SMC1B: variants seen among roughly 807,000 people sequenced by gnomAD.
SMC1B encodes structural maintenance of chromosomes 1B.
A neutral mutation model predicts 157.9 loss-of-function variants in SMC1B; 60 were observed. The observed-to-expected ratio is 0.38, with a 90% CI of 0.31 to 0.47. SMC1B has a LOEUF of 0.47. SMC1B is among the 20% of genes least tolerant of loss of function. The pLI is 0.99. For missense variants in SMC1B, 1,165 were observed against 1,426.2 expected (o/e 0.82, Z 2.95); for synonymous variants, 445 against 483.0 (o/e 0.92, Z 1.03).
chr22:45,362,122 G>C, intron 16 of SMC1B, 138 bp from the exon 17 acceptor site: 1 of 721,998 alleles, frequency 1.4e-6, no homozygotes. Flanking sequence ...CTTCCATCGT[G>C]GACTGTGACT....
Position 45,396,361 on chromosome 22 carries a change from C to G in SMC1B, c.1239G>C (p.Arg413Ser), listed in dbSNP as rs761872713. ...CCCAAGACACCTGAACTTCTCCATG[C>G]CTCCTCTTTTCAAATGCCAGTCTTT... is the stretch of plus-strand genomic sequence containing the variant. ...DEERLAFEKR[R>S]HGEVQGNLKQ... is the part of the protein sequence containing the mutation. The change falls in exon 7 of 25, where the codon AGG becomes AGC. Residue 413 changes from arginine to serine, a missense_variant. By Grantham distance (110) the Arg-to-Ser change is moderately radical. Transcript: ENST00000357450. 2.1e-5 allele frequency: 34 copies of G among 1,612,246 alleles called. No homozygotes were observed. Among genetic ancestry groups the G allele is most frequent in the Non-Finnish European group, 2.8e-5 (33 of 1,179,234 alleles).
At chr22:45,347,648 C>A (rs1479886296) in intron 23 of SMC1B, among the ~76,000 whole-genome samples, 1 of 152,134 alleles carries the variant, frequency 6.6e-6, no homozygotes, top group East Asian at 1.9e-4. Flanking sequence ...GAGACAAGGT[C>A]TCACTATGTT....
chr22:45,402,969 T>C (rs562283762), intron 4 of SMC1B, among the ~76,000 whole-genome samples: 1 of 152,330 alleles, frequency 6.6e-6, no homozygotes, highest in East Asian at 1.9e-4. Context: ...CCAGGAAAAA[T>C]TCCTACTACA....
At chr22:45,357,873 C>T (rs1189462583) in intron 19 of SMC1B, among the ~76,000 whole-genome samples, 1 of 152,176 alleles carries the variant, frequency 6.6e-6, no homozygotes, top group African/African-American at 2.4e-5. Context: ...CCCCGTCAAT[C>T]ATACCTAATG....
chr22:45,412,362 G>A (rs1173781943), intron 1 of SMC1B, among the ~76,000 whole-genome samples: 6 of 147,534 alleles, frequency 4.1e-5, no homozygotes, highest in African/African-American at 1.3e-4. Flanking sequence ...CACCACACCC[G>A]ATTAATTTTT....
Position 45,361,961 on chromosome 22 carries a change from T to C in SMC1B, c.2586A>G (p.Thr862=). The change falls in exon 17 of 25, where the codon ACA becomes ACG. Residue 862 remains threonine, a synonymous_variant. Transcript: ENST00000357450. ...GCTGCTTTGCCATGAGTTCATTCAC[T>C]GTCTGCAGACAGTTTTCTTCAGCCT... The part of the protein sequence containing the change: ...LKKAEENCLQ[T]VNELMAKQQQ... 1.9e-6 allele frequency: 3 copies of C among 1,614,140 alleles called. No individual in the cohort carries two copies. The highest frequency in any genetic ancestry group is 2.2e-5 in the East Asian group (1 of 44,882).
intron 8 of SMC1B, among the ~76,000 whole-genome samples, chr22:45,394,368 C>T (rs914291840): frequency 2.0e-5 from 3 of 151,624 alleles, no homozygotes; most frequent in Non-Finnish European, 4.4e-5. Context: ...GCAAGGGGTG[C>T]GATGGCTCAC....
intron 19 of SMC1B, among the ~76,000 whole-genome samples, chr22:45,356,659 A>G (rs1178238604): frequency 1.3e-5 from 2 of 152,086 alleles, no homozygotes; most frequent in Non-Finnish European, 2.9e-5. Context: ...GCACTTTACC[A>G]TAAGATGAGA....
At chr22:45,412,498 CTTTTTTTTTTTTTTTT>C (rs56894434) in intron 1 of SMC1B, among the ~76,000 whole-genome samples, 4 of 65,440 alleles carry the variant, frequency 6.1e-5, no homozygotes, top group South Asian at 7.2e-4. Flanking sequence ...CGCGCCCAGC[CTTTTTTTTTTTTTTTT>C]TTTTTTTTTT....
chr22:45,351,528 T>C (rs2086615002), intron 22 of SMC1B, among the ~76,000 whole-genome samples: 2 of 152,232 alleles, frequency 1.3e-5, no homozygotes, highest in Admixed American at 1.3e-4. Context: ...GAAGCAGCAG[T>C]ATCTATATTT....
intron 19 of SMC1B, among the ~76,000 whole-genome samples, chr22:45,355,826 T>C (rs576471148): frequency 1.3e-5 from 2 of 152,316 alleles, no homozygotes; most frequent in East Asian, 1.9e-4. Context: ...TCCCAGCACT[T>C]TGGGAGGCCA....
At chr22:45,361,332 G>A (rs1804742283) in intron 17 of SMC1B, among the ~76,000 whole-genome samples, 1 of 152,192 alleles carries the variant, frequency 6.6e-6, no homozygotes, top group African/African-American at 2.4e-5. Flanking sequence ...TTTGCTCTAG[G>A]CCAGGAGCAG....
intron 19 of SMC1B, among the ~76,000 whole-genome samples, chr22:45,358,315 CCTG>C (rs1479010265): frequency 6.6e-6 from 1 of 152,156 alleles, no homozygotes; most frequent in African/African-American, 2.4e-5. Context: ...TGTGAAAACT[CCTG>C]ATTTACAGCC....
rs751382592 is a variant in SMC1B at position 45,408,776 on chromosome 22, CAGA to C, written c.229_231del (p.Ser77del). The stretch of plus-strand genomic sequence containing the variant: ...TCCACATATATAATTTTTACACTTG[CAGA>C]AGAAGAAATAGGTTTTCCAATATGT... On this transcript the variant is annotated inframe_deletion, in exon 2 of 25. Coordinates refer to ENST00000357450, the MANE Select transcript of SMC1B (RefSeq NM_148674.5). 8 of 1,598,328 alleles carry C rather than the reference CAGA, an allele frequency of 5.0e-6. No individual in the cohort carries two copies. Among genetic ancestry groups the C allele is most frequent in the Non-Finnish European group, 6.8e-6 (8 of 1,174,246 alleles).
chr22:45,395,585 C>T (rs775825959), intron 7 of SMC1B, among the ~76,000 whole-genome samples: 5 of 152,098 alleles, frequency 3.3e-5, no homozygotes, highest in Non-Finnish European at 5.9e-5. Context: ...TGACTGGGCA[C>T]GGTGGCTCAG....
intron 2 of SMC1B, among the ~76,000 whole-genome samples, chr22:45,407,834 T>C (rs182635974): frequency 2.6e-5 from 4 of 152,284 alleles, no homozygotes; most frequent in Admixed American, 1.3e-4. Flanking sequence ...ATGTGAACAA[T>C]TGATCAAAGG....
At chr22:45,382,593 A>G (rs1442141095) in intron 12 of SMC1B, among the ~76,000 whole-genome samples, 1 of 152,240 alleles carries the variant, frequency 6.6e-6, no homozygotes, top group South Asian at 2.1e-4. Context: ...TATACTTACA[A>G]TGGGTGACTG....
chr22:45,389,018 G>GA (rs970781472), intron 10 of SMC1B, among the ~76,000 whole-genome samples: 32 of 129,276 alleles, frequency 2.5e-4, no homozygotes, highest in South Asian at 5.0e-4. Context: ...AAAGAAAAAA[G>GA]AAAAAAAAAA....
At chr22:45,397,236 G>T (rs550025994) in intron 6 of SMC1B, among the ~76,000 whole-genome samples, 1 of 152,192 alleles carries the variant, frequency 6.6e-6, no homozygotes, top group East Asian at 1.9e-4. Context: ...AGTCTTTTAG[G>T]CCAGGCACAG....
Sources: gnomAD v4.1 joint callset for allele counts (sites outside exome capture counted in the v4.1 genomes callset) on GRCh38, gnomAD v4.1.1 for gene constraint, MANE v1.5 for transcripts, NCBI Gene and HGNC (gene_info 2026-07-23, HGNC 2026-07-21) for gene names.